Variants in ZC3H11A observed in about 807,000 individuals in gnomAD.
ZC3H11A encodes the protein zinc finger CCCH-type containing 11A.
Under a neutral mutation model 90.8 loss-of-function variants are expected in ZC3H11A, and 22 were observed. That is an observed-to-expected ratio of 0.24 (90% confidence interval 0.17 to 0.35). The LOEUF (loss-of-function observed/expected upper bound fraction) is 0.35. Ranked by LOEUF, ZC3H11A falls within the 10% of genes least tolerant of loss-of-function variation. The pLI is 1.00. For synonymous variants in ZC3H11A, 294 were observed against 339.8 expected (o/e 0.87, Z 1.48); for missense variants, 701 against 964.9 (o/e 0.73, Z 3.62).
intron 1 of ZC3H11A, chr1:203,798,948 C>A: frequency 6.5e-7 from 1 of 1,536,040 alleles, no homozygotes; most frequent in East Asian, 2.4e-5. Context: ...AGAGAATGTT[C>A]AAAGCCAAAA....
Position 203,838,075 on chromosome 1 carries a change from T to C in ZC3H11A, c.973+11T>C. 6.2e-7 allele frequency: 1 copy of C among 1,612,712 alleles called. No homozygotes were observed. The highest frequency in any genetic ancestry group is 8.5e-7 in the Non-Finnish European group (1 of 1,179,080). ...AAACACCAAAGAAAGGTACCTGTGT[T>C]CTTACATACTTTGTGTGTGTATGTA... On this transcript the variant is annotated intron_variant, in intron 11 of 17. Transcript: ENST00000367210.
In ZC3H11A at chr1:203,848,119, A is replaced by G. The variant is rs564308487; in HGVS notation, c.1547-212A>G. On this transcript the variant is annotated intron_variant, in intron 13 of 17. Transcript: ENST00000367210. ...GTGATCTGCTTGCTTCAGTCTCCCA[A>G]AGTGCTGGGGTTACAGGTGTGAGCC... is the stretch of plus-strand genomic sequence containing the variant. Among the ~76,000 whole-genome samples the G allele has an allele frequency of 7.2e-5, 11 of 152,204 alleles. 1 individual carries two copies. The highest frequency in any genetic ancestry group is 5.9e-4 in the Admixed American group (9 of 15,284).
Position 203,849,912 on chromosome 1 carries a change from A to C in ZC3H11A, c.1825A>C (p.Thr609Pro). Reference sequence around the variant, plus strand: ...TGTGCCAGGAATCACACGGCACCTGACCAAGCGGCTTCCCACAAAGTCATC... The same window carrying C: ...TGTGCCAGGAATCACACGGCACCTGCCCAAGCGGCTTCCCACAAAGTCATC... ...TAVPGITRHL[T>P]KRLPTKSSQK... Residue 609 changes from threonine (T) to proline (P), a missense_variant, in exon 15 of 18, where the codon ACC becomes CCC. Coordinates refer to ENST00000367210, the MANE Select transcript of ZC3H11A (RefSeq NM_001376342.1). 1.2e-6 allele frequency: 2 copies of C among 1,614,150 alleles called. No individual in the cohort carries two copies. The highest frequency in any genetic ancestry group is 1.7e-6 in the Non-Finnish European group (2 of 1,180,028).
At chr1:203,796,789 A>G in intron 1 of ZC3H11A, 1 of 229,360 alleles carries the variant, frequency 4.4e-6, no homozygotes, top group Non-Finnish European at 8.4e-6. Flanking sequence ...TACAAACAGT[A>G]CTTTGAAAAT....
At chr1:203,838,689 G>A (rs1685122770) in intron 11 of ZC3H11A, among the ~76,000 whole-genome samples, 1 of 152,202 alleles carries the variant, frequency 6.6e-6, no homozygotes, top group African/African-American at 2.4e-5. Flanking sequence ...GGTAGGTCAT[G>A]CCTGTAATCC....
intron 12 of ZC3H11A, among the ~76,000 whole-genome samples, chr1:203,841,479 T>G (rs1686186288): frequency 6.6e-6 from 1 of 152,204 alleles, no homozygotes; most frequent in Admixed American, 6.5e-5. Flanking sequence ...GGAGTAAAGT[T>G]ATAGATTAAC....
At position 203,853,594 on chromosome 1, in the gene ZC3H11A, A is replaced by G. The variant is rs1172525412; in HGVS notation, c.*1195A>G. The G allele has an allele frequency of 6.6e-6, 1 of 152,606 alleles. No homozygotes were observed. Among genetic ancestry groups the G allele is most frequent in the African/African-American group, 2.4e-5 (1 of 41,436 alleles). 9.5% of individuals were successfully genotyped at this position (152,606 alleles called of 1,614,324 possible). On this transcript the variant is annotated 3_prime_UTR_variant, in exon 18 of 18. Transcript: ENST00000367210. ...AGGAAGGAAGGACTTACCCATTTTGATATTTTGCTGTAGGTGGCCAGTTTT... is the reference window on the plus strand; with the variant it reads ...AGGAAGGAAGGACTTACCCATTTTGGTATTTTGCTGTAGGTGGCCAGTTTT...
At position 203,831,791 on chromosome 1, in the gene ZC3H11A, T is replaced by TA. The variant is rs1558126261; in HGVS notation, c.811+21dup. ...AACAAGGTAAGGTATAGATAGGTCTTAGAGTTGTCAAGCCTCTACTTTTAT... is the reference window on the plus strand; with the variant it reads ...AACAAGGTAAGGTATAGATAGGTCTTAAGAGTTGTCAAGCCTCTACTTTTAT... On this transcript the variant is annotated intron_variant, in intron 9 of 17. Coordinates refer to ENST00000367210, the MANE Select transcript of ZC3H11A (RefSeq NM_001376342.1). 1.3e-6 allele frequency: 2 copies of TA among 1,586,178 alleles called. No individual in the cohort carries two copies. The highest frequency in any genetic ancestry group is 1.7e-5 in the Admixed American group (1 of 58,192).
intron 1 of ZC3H11A, chr1:203,800,057 C>T: frequency 6.5e-7 from 1 of 1,536,084 alleles, no homozygotes; most frequent in Non-Finnish European, 8.7e-7. Context: ...CTGTTGATAG[C>T]TCAGCTGTAG....
intron 1 of ZC3H11A, chr1:203,799,780 C>G (rs769110751): frequency 1.9e-6 from 2 of 1,027,220 alleles, no homozygotes; most frequent in Admixed American, 2.0e-5. Flanking sequence ...GAAACAGATA[C>G]CCTACTAAGT....
intron 1 of ZC3H11A, chr1:203,797,537 T>C (rs1668956892): frequency 6.6e-7 from 1 of 1,521,076 alleles, no homozygotes; most frequent in Non-Finnish European, 8.8e-7. Flanking sequence ...GTGTATGTAC[T>C]CTAAGTGTAC....
At chr1:203,839,016 T>C (rs1685256509) in intron 11 of ZC3H11A, among the ~76,000 whole-genome samples, 1 of 148,576 alleles carries the variant, frequency 6.7e-6, no homozygotes, top group Non-Finnish European at 1.5e-5. Flanking sequence ...CAGGCTCAAA[T>C]GTGCATTTTA....
intron 1 of ZC3H11A, chr1:203,800,363 C>A: frequency 1.0e-6 from 1 of 964,942 alleles, no homozygotes; most frequent in Non-Finnish European, 1.6e-6. Flanking sequence ...TGAAAATGAA[C>A]TTGAAAAATG....
chr1:203,827,102 G>A (rs1029854106), intron 4 of ZC3H11A, among the ~76,000 whole-genome samples: 2 of 152,024 alleles, frequency 1.3e-5, no homozygotes, highest in Admixed American at 1.3e-4. Flanking sequence ...CACATCTGTG[G>A]CATTGAGTAT....
At position 203,806,088 on chromosome 1, in the gene ZC3H11A, A is replaced by G. The variant is rs78535301; in HGVS notation, c.-146+3072A>G. 2,123 of 503,380 alleles carry G rather than the reference A, an allele frequency of 4.2e-3. 42 individuals are homozygous for G. Among genetic ancestry groups the G allele is most frequent in the African/African-American group, 0.039 (1,968 of 50,910 alleles). 31.2% of individuals were successfully genotyped at this position (503,380 alleles called of 1,614,324 possible). On this transcript the variant is annotated intron_variant, in intron 2 of 17. Coordinates refer to ENST00000367210, the MANE Select transcript of ZC3H11A (RefSeq NM_001376342.1). ...TTAAAACTCGCAAGGCTTTCTGCGTAATCATATTCTTTGTAGGACCCCCTC... is the reference window on the plus strand; with the variant it reads ...TTAAAACTCGCAAGGCTTTCTGCGTGATCATATTCTTTGTAGGACCCCCTC...
At chr1:203,796,249 CTG>C in intron 1 of ZC3H11A, 1 of 395,028 alleles carries the variant, frequency 2.5e-6, no homozygotes, top group Non-Finnish European at 4.5e-6. Flanking sequence ...ATCAATCAGA[CTG>C]AGTGCCGGGC....
At chr1:203,810,408 C>T (rs12561992) in intron 2 of ZC3H11A, among the ~76,000 whole-genome samples, 6,973 of 149,472 alleles carry the variant, frequency 0.047, 591 homozygotes, top group East Asian at 0.4. Flanking sequence ...TCTTGTTTTA[C>T]ATTGTAGCTG....
At chr1:203,826,310 T>C (rs1007168218) in intron 4 of ZC3H11A, among the ~76,000 whole-genome samples, 1 of 151,600 alleles carries the variant, frequency 6.6e-6, no homozygotes, top group Non-Finnish European at 1.5e-5. Flanking sequence ...AGCCTATACT[T>C]TTAAAAAATA....
chr1:203,799,054 T>C, intron 1 of ZC3H11A: 1 of 1,536,184 alleles, frequency 6.5e-7, no homozygotes, highest in Non-Finnish European at 8.7e-7. Context: ...GCGTCTTTTC[T>C]CAATAATGGC....
Sources: gnomAD v4.1 joint callset for allele counts (sites outside exome capture counted in the v4.1 genomes callset) on GRCh38, gnomAD v4.1.1 for gene constraint, MANE v1.5 for transcripts, NCBI Gene and HGNC (gene_info 2026-07-23, HGNC 2026-07-21) for gene names.